Variants in PCDHA2 observed in about 807,000 individuals in gnomAD.
PCDHA2 encodes the protein protocadherin alpha-2.
Under a neutral mutation model 66.0 loss-of-function variants are expected in PCDHA2, and 58 were observed. The observed-to-expected ratio is 0.88, with a 90% CI of 0.71 to 1.09. PCDHA2 has a LOEUF of 1.09. PCDHA2 is among the 50% of genes least tolerant of loss of function. The probability of loss-of-function intolerance (pLI) is 0.00; values close to 1 mark genes in which losing one functional copy is unlikely to be tolerated. For missense variants in PCDHA2, 1,267 were observed against 1,242.3 expected (o/e 1.02, Z -0.30); for synonymous variants, 634 against 554.0 (o/e 1.14, Z -2.03).
At chr5:140,823,741 C>G (rs782777236) in intron 1 of PCDHA2, 1 of 1,613,838 alleles carries the variant, frequency 6.2e-7, no homozygotes, top group African/African-American at 1.3e-5. Context: ...CCATGGAGAG[C>G]CCCCGCTGAC....
At chr5:140,963,608 G>A (rs1308315109) in intron 1 of PCDHA2, among the ~76,000 whole-genome samples, 2 of 152,186 alleles carry the variant, frequency 1.3e-5, no homozygotes, top group African/African-American at 2.4e-5. Context: ...ACGTAATTGG[G>A]AAAGCTTAAC....
At chr5:140,806,068 C>T (rs1380566226) in intron 1 of PCDHA2, among the ~76,000 whole-genome samples, 4 of 152,094 alleles carry the variant, frequency 2.6e-5, no homozygotes, top group Admixed American at 6.5e-5. Context: ...CACCCTGGTG[C>T]TGCAGTTTGT....
chr5:140,804,810 A>T, intron 1 of PCDHA2: 1 of 314,338 alleles, frequency 3.2e-6, no homozygotes, highest in Non-Finnish European at 5.8e-6. Context: ...AATAGTAACC[A>T]ACTGAAACCT....
At chr5:140,914,944 CTTTT>C (rs35695909) in intron 1 of PCDHA2, among the ~76,000 whole-genome samples, 298 of 128,244 alleles carry the variant, frequency 2.3e-3, no homozygotes, top group African/African-American at 8.2e-3. Flanking sequence ...GAAAAGTTGT[CTTTT>C]TTTTTTTTTT....
intron 1 of PCDHA2, among the ~76,000 whole-genome samples, chr5:140,831,385 G>C (rs1771511282): frequency 6.7e-6 from 1 of 149,982 alleles, no homozygotes. Flanking sequence ...TGTGTGACAG[G>C]GTCTTGCTCT....
intron 1 of PCDHA2, chr5:140,882,514 C>T: frequency 2.5e-6 from 4 of 1,614,150 alleles, no homozygotes; most frequent in Non-Finnish European, 3.4e-6. Context: ...TGCAGAATGG[C>T]ATTTTGTTTG....
chr5:140,843,857 A>C, intron 1 of PCDHA2: 1 of 940,372 alleles, frequency 1.1e-6, no homozygotes, highest in Non-Finnish European at 1.6e-6. Context: ...TTTTATAATT[A>C]ATTGAATTTT....
chr5:140,874,195 A>C (rs2054770978), intron 1 of PCDHA2, among the ~76,000 whole-genome samples: 1 of 152,222 alleles, frequency 6.6e-6, no homozygotes, highest in Non-Finnish European at 1.5e-5. Flanking sequence ...GTCATATTTC[A>C]GTTGCCTTTA....
At chr5:140,866,376 CA>C (rs2049320172) in intron 1 of PCDHA2, 1 of 152,074 alleles carries the variant, frequency 6.6e-6, no homozygotes, top group South Asian at 2.1e-4. Flanking sequence ...ACTTCAATAA[CA>C]ATTTTAAAGA....
At chr5:140,843,397 G>T in intron 1 of PCDHA2, 1 of 1,596,068 alleles carries the variant, frequency 6.3e-7, no homozygotes, top group Non-Finnish European at 8.6e-7. Context: ...CGGAAGCGGC[G>T]CTGGTGGATG....
intron 1 of PCDHA2, chr5:140,802,422 C>A (rs1554122119): frequency 6.2e-7 from 1 of 1,614,234 alleles, no homozygotes; most frequent in South Asian, 1.1e-5. Context: ...CTCATTGGTG[C>A]TGGACAGCCC....
At chr5:140,985,086 T>C (rs564487119) in intron 3 of PCDHA2, among the ~76,000 whole-genome samples, 1 of 152,000 alleles carries the variant, frequency 6.6e-6, no homozygotes, top group Non-Finnish European at 1.5e-5. Context: ...TACAGGCGTG[T>C]GCCACCAAGC....
chr5:140,976,927 G>A (rs1322531610), intron 1 of PCDHA2, among the ~76,000 whole-genome samples: 2 of 152,184 alleles, frequency 1.3e-5, no homozygotes, highest in Admixed American at 1.3e-4. Context: ...CTAGTACTGT[G>A]TAGCTACTTA....
chr5:140,852,931 T>G (rs1554146230), intron 1 of PCDHA2: 1 of 623,668 alleles, frequency 1.6e-6, no homozygotes, highest in Non-Finnish European at 2.1e-6. Flanking sequence ...CAGGCTGGAG[T>G]GCAGTGGTGC....
intron 1 of PCDHA2, chr5:140,836,822 T>C: frequency 9.7e-7 from 1 of 1,033,238 alleles, no homozygotes; most frequent in African/African-American, 1.6e-5. Flanking sequence ...ATAATTTCTT[T>C]TTTAGTTGAT....
At chr5:140,914,654 T>C (rs2076794688) in intron 1 of PCDHA2, among the ~76,000 whole-genome samples, 1 of 152,202 alleles carries the variant, frequency 6.6e-6, no homozygotes, top group Non-Finnish European at 1.5e-5. Flanking sequence ...CTCTCCCTTC[T>C]TTCCATCTTC....
rs1200776013 is a variant in PCDHA2, at chr5:140,836,933, T to G, written c.2388+39581T>G. On this transcript the variant is annotated intron_variant, in intron 1 of 3. Transcript: ENST00000526136. ...ACTTTTGTTTTGGGATGCGTAATAC[T>G]ATAGATCAAAATCTATGGTTTATGT... is the stretch of plus-strand genomic sequence containing the variant. 4 of 481,968 alleles carry G rather than the reference T, an allele frequency of 8.3e-6. 1 individual carries two copies. The highest frequency in any genetic ancestry group is 1.4e-5 in the Non-Finnish European group (4 of 282,424). The allele number at this position is 481,968 out of a possible 1,614,324, so 29.9% of individuals were successfully genotyped here. A position where few individuals can be genotyped will look rare whatever the true frequency, so the allele number is the denominator to read the frequency against.
chr5:140,910,528 T>A (rs2153515102), intron 1 of PCDHA2, among the ~76,000 whole-genome samples: 1 of 152,314 alleles, frequency 6.6e-6, no homozygotes, highest in African/African-American at 2.4e-5. Flanking sequence ...GGTACTCCCC[T>A]CACAAATCTA....
rs188500854 is a variant in PCDHA2 at position 140,955,348 on chromosome 5, G to C, written c.2389-23601G>C. ...GTAGTTCCCATAATCCCCACATGTT[G>C]TGAGAGGGACCCAGTGGGAGGTAAT... On this transcript the variant is annotated intron_variant, in intron 1 of 3. Coordinates refer to ENST00000526136, the MANE Select transcript of PCDHA2 (RefSeq NM_018905.3). Among the ~76,000 whole-genome samples the C allele has an allele frequency of 1.6e-4, 24 of 152,204 alleles. No individual in the cohort carries two copies. The East Asian group carries it at 2.7e-3, about 17-fold the overall frequency.
Sources: allele counts gnomAD v4.1 joint callset (sites outside exome capture counted in the v4.1 genomes callset), GRCh38; gene constraint gnomAD v4.1.1; transcripts MANE v1.5; gene names NCBI Gene and HGNC (gene_info 2026-07-23, HGNC 2026-07-21).